LHFPL3: variants seen among roughly 807,000 people sequenced by gnomAD.
LHFPL3 encodes the protein LHFPL tetraspan subfamily member 3 protein.
A neutral mutation model predicts 19.3 loss-of-function variants in LHFPL3; 5 were observed. The observed-to-expected ratio is 0.26, with a 90% CI of 0.14 to 0.54. LHFPL3 has a LOEUF of 0.54. Among genes scored for constraint, LHFPL3 ranks in the 20% least tolerant of loss-of-function variants. The pLI is 0.94. For missense variants in LHFPL3, 249 were observed against 307.4 expected (o/e 0.81, Z 1.42); for synonymous variants, 133 against 126.2 (o/e 1.05, Z -0.36).
chr7:104,383,499 C>G (rs1251225823), intron 1 of LHFPL3, among the ~76,000 whole-genome samples: 1 of 152,170 alleles, frequency 6.6e-6, no homozygotes, highest in Non-Finnish European at 1.5e-5. Context: ...CAAGTTTTGC[C>G]CTGAGATATT....
intron 1 of LHFPL3, among the ~76,000 whole-genome samples, chr7:104,592,281 G>A (rs926155379): frequency 1.8e-4 from 28 of 152,120 alleles, no homozygotes; most frequent in African/African-American, 6.5e-4. Flanking sequence ...TTTGATGATG[G>A]TGACGTACAG....
At chr7:104,408,899 C>G (rs937498822) in intron 1 of LHFPL3, among the ~76,000 whole-genome samples, 3 of 117,810 alleles carry the variant, frequency 2.5e-5, no homozygotes, top group South Asian at 2.8e-4. Flanking sequence ...GAGTCTCGCT[C>G]TGTTGCCCAG....
chr7:104,537,493 A>G (rs1247705364), intron 1 of LHFPL3, among the ~76,000 whole-genome samples: 5 of 152,034 alleles, frequency 3.3e-5, no homozygotes, highest in African/African-American at 1.2e-4. Flanking sequence ...TCCAGCCCCT[A>G]TTATGTTTCT....
intron 1 of LHFPL3, among the ~76,000 whole-genome samples, chr7:104,732,887 C>T (rs1034716205): frequency 5.3e-5 from 8 of 152,184 alleles, no homozygotes; most frequent in Admixed American, 5.2e-4. Context: ...CCTCTACACA[C>T]CGCTTTAAAT....
chr7:104,651,286 G>C (rs529581536), intron 1 of LHFPL3, among the ~76,000 whole-genome samples: 25 of 152,296 alleles, frequency 1.6e-4, no homozygotes, highest in African/African-American at 2.4e-4. Context: ...TTGAACAAAG[G>C]CTTGATTGTC....
At chr7:104,731,881 AT>A (rs1793711746) in intron 1 of LHFPL3, among the ~76,000 whole-genome samples, 1 of 152,096 alleles carries the variant, frequency 6.6e-6, no homozygotes, top group African/African-American at 2.4e-5. Context: ...AGCTCTTATT[AT>A]TTTGAGATAC....
chr7:104,354,171 G>A (rs1562872817), intron 1 of LHFPL3, among the ~76,000 whole-genome samples: 2 of 151,992 alleles, frequency 1.3e-5, no homozygotes, highest in South Asian at 2.1e-4. Context: ...CTGTTTCCAC[G>A]CAGTGCTAGG....
chr7:104,588,177 A>G (rs1171660968), intron 1 of LHFPL3, among the ~76,000 whole-genome samples: 1 of 152,198 alleles, frequency 6.6e-6, no homozygotes, highest in Admixed American at 6.5e-5. Flanking sequence ...TGTTTTAGAC[A>G]TGAAGTCCTT....
At chr7:104,642,460 G>A (rs1422193293) in intron 1 of LHFPL3, among the ~76,000 whole-genome samples, 2 of 152,072 alleles carry the variant, frequency 1.3e-5, no homozygotes, top group Non-Finnish European at 2.9e-5. Context: ...GAGTAATCTG[G>A]TTGTTCTGGA....
chr7:104,338,093 CTT>C (rs71296520), intron 1 of LHFPL3, among the ~76,000 whole-genome samples: 115 of 85,838 alleles, frequency 1.3e-3, no homozygotes, highest in Middle Eastern at 0.013. Context: ...TTTCCTTTTT[CTT>C]TTTTTTTTTT....
chr7:104,455,982 G>T (rs924924569), intron 1 of LHFPL3, among the ~76,000 whole-genome samples: 1 of 152,080 alleles, frequency 6.6e-6, no homozygotes, highest in South Asian at 2.1e-4. Context: ...CTGATGTCCA[G>T]TTCAGCATAG....
rs146736185 is a variant in LHFPL3, at chr7:104,740,528, G to C, written c.682+3617G>C. Among the ~76,000 whole-genome samples, 705 of 152,182 alleles carry C rather than the reference G, an allele frequency of 4.6e-3. 4 individuals are homozygous for C. Among genetic ancestry groups the C allele is most frequent in the African/African-American group, 0.016 (653 of 41,528 alleles). On this transcript the variant is annotated intron_variant, in intron 2 of 2. Coordinates refer to ENST00000424859, the MANE Select transcript of LHFPL3 (RefSeq NM_199000.3). ...GCTAATAAAGACATACCTGAGACTG[G>C]GTAATTTATAAAGGAAAGAAGTTTA...
chr7:104,394,584 A>C (rs1168330944), intron 1 of LHFPL3, among the ~76,000 whole-genome samples: 1 of 152,188 alleles, frequency 6.6e-6, no homozygotes, highest in Non-Finnish European at 1.5e-5. Context: ...TTGTAACAAA[A>C]CTATGGATGA....
chr7:104,843,666 G>A (rs891478995), intron 2 of LHFPL3, among the ~76,000 whole-genome samples: 2 of 151,992 alleles, frequency 1.3e-5, no homozygotes, highest in Non-Finnish European at 2.9e-5. Flanking sequence ...AAGAAACTTA[G>A]AGGAGAGGGC....
chr7:104,620,804 T>C (rs1016170544), intron 1 of LHFPL3, among the ~76,000 whole-genome samples: 1 of 152,214 alleles, frequency 6.6e-6, no homozygotes, highest in African/African-American at 2.4e-5. Context: ...CTAAATGATG[T>C]ACCCTGATAC....
At chr7:104,389,365 A>T (rs1562882805) in intron 1 of LHFPL3, among the ~76,000 whole-genome samples, 1 of 152,180 alleles carries the variant, frequency 6.6e-6, no homozygotes, top group Admixed American at 6.5e-5. Context: ...GTCAAAATAA[A>T]TTAAAAGACT....
At chr7:104,726,216 C>T (rs1479040749) in intron 1 of LHFPL3, among the ~76,000 whole-genome samples, 3 of 152,038 alleles carry the variant, frequency 2.0e-5, no homozygotes, top group Non-Finnish European at 4.4e-5. Context: ...AGTGTATTGT[C>T]TAGATGTTAC....
At chr7:104,355,088 G>T (rs557332244) in intron 1 of LHFPL3, among the ~76,000 whole-genome samples, 4 of 152,166 alleles carry the variant, frequency 2.6e-5, no homozygotes, top group Non-Finnish European at 5.9e-5. Context: ...ATAAAATTTT[G>T]GATATGCCTG....
chr7:104,730,487 G>A (rs1793679066), intron 1 of LHFPL3, among the ~76,000 whole-genome samples: 1 of 152,222 alleles, frequency 6.6e-6, no homozygotes, highest in African/African-American at 2.4e-5. Flanking sequence ...GCATTTCTCT[G>A]ATGGCCAGTG....
Sources: gnomAD v4.1 joint callset for allele counts (sites outside exome capture counted in the v4.1 genomes callset) on GRCh38, gnomAD v4.1.1 for gene constraint, MANE v1.5 for transcripts, NCBI Gene and HGNC (gene_info 2026-07-23, HGNC 2026-07-21) for gene names.